The following ABR variants were observed in gnomAD, a reference collection of about 807,000 sequenced individuals.
ABR encodes the protein ABR activator of RhoGEF and GTPase.
ABR carries 35 observed loss-of-function variants against 107.2 expected under a neutral mutation model. That is an observed-to-expected ratio of 0.33 (90% CI 0.25 to 0.43). The LOEUF is 0.43. Among genes scored for constraint, ABR ranks in the 20% least tolerant of loss-of-function variants. ABR has a pLI of 1.00. For synonymous variants in ABR, 498 were observed against 462.0 expected (o/e 1.08, Z -1.00); for missense variants, 815 against 1,115.2 (o/e 0.73, Z 3.83).
At chr17:1,025,477 T>C (rs2586256) in intron 16 of ABR, among the ~76,000 whole-genome samples, 119,554 of 152,060 alleles carry the variant, frequency 0.79, 47,358 homozygotes, top group Middle Eastern at 0.88. Flanking sequence ...GGCTTCCCAC[T>C]GCATTCGGAT....
rs559217737 is a variant in ABR at position 1,130,952 on chromosome 17, T to A, written c.62-5585A>T. Among the ~76,000 whole-genome samples the A allele has an allele frequency of 2.8e-4, 43 of 152,356 alleles. 1 individual carries two copies. Among genetic ancestry groups the A allele is most frequent in the African/African-American group, 9.6e-4 (40 of 41,580 alleles). ...TTCTGGTCTTCAGACTGCGAGAGCATCGATTTCTGCTGTTCTAAGCCATCA... is the reference window on the plus strand; with the variant it reads ...TTCTGGTCTTCAGACTGCGAGAGCAACGATTTCTGCTGTTCTAAGCCATCA... On this transcript the variant is annotated intron_variant, in intron 1 of 22. Coordinates refer to ENST00000302538, the MANE Select transcript of ABR (RefSeq NM_021962.5).
chr17:1,152,951 G>T (rs142002222), intron 1 of ABR, among the ~76,000 whole-genome samples: 2,025 of 152,198 alleles, frequency 0.013, 37 homozygotes, highest in African/African-American at 0.046. Context: ...AATTAGCCAG[G>T]CATGGTGGTG....
At chr17:1,079,859 GCCT>G (rs1374998382) in intron 5 of ABR, among the ~76,000 whole-genome samples, 1 of 140,634 alleles carries the variant, frequency 7.1e-6, no homozygotes, top group African/African-American at 2.6e-5. Flanking sequence ...GCCATGGGCT[GCCT>G]CTGCCACCCC....
At chr17:1,127,912 G>A (rs1480375231) in intron 1 of ABR, among the ~76,000 whole-genome samples, 5 of 152,196 alleles carry the variant, frequency 3.3e-5, no homozygotes, top group African/African-American at 9.7e-5. Context: ...TCCGCGGGGA[G>A]GCAGTTCTTA....
chr17:1,138,056 A>T (rs2040152065), intron 1 of ABR, among the ~76,000 whole-genome samples: 1 of 150,982 alleles, frequency 6.6e-6, no homozygotes, highest in African/African-American at 2.4e-5. Flanking sequence ...GCCCACCACC[A>T]ACACCCGGCT....
In ABR at chr17:1,004,744, C is replaced by T. The variant is rs2069898374; in HGVS notation, c.*1336G>A. 6.5e-6 allele frequency: 2 copies of T among 306,392 alleles called. No homozygotes were observed. Among genetic ancestry groups the T allele is most frequent in the Non-Finnish European group, 1.2e-5 (2 of 167,180 alleles). The allele number at this position is 306,392 out of a possible 1,614,324, so 19.0% of individuals were successfully genotyped here. On this transcript the variant is annotated 3_prime_UTR_variant, in exon 23 of 23. Transcript: ENST00000302538. ...GAACCCAGCCCCTAGAGGCGGCTGTCTGATTCCCCACTCTCCCCACAACTT... is the reference window on the plus strand; with the variant it reads ...GAACCCAGCCCCTAGAGGCGGCTGTTTGATTCCCCACTCTCCCCACAACTT...
chr17:1,028,322 C>T (rs746569686), intron 16 of ABR, among the ~76,000 whole-genome samples: 9 of 151,548 alleles, frequency 5.9e-5, no homozygotes, highest in Non-Finnish European at 1.0e-4. Flanking sequence ...TGGTCTCGAA[C>T]GCCTGACCTC....
chr17:1,217,913 T>C (rs2043044319), intron 1 of ABR, among the ~76,000 whole-genome samples: 3 of 152,220 alleles, frequency 2.0e-5, no homozygotes, highest in African/African-American at 4.8e-5. Flanking sequence ...CAGGCTGGTC[T>C]TGAACTCCTG....
chr17:1,176,118 G>A (rs1017979149), intron 1 of ABR, among the ~76,000 whole-genome samples: 1 of 151,810 alleles, frequency 6.6e-6, no homozygotes, highest in African/African-American at 2.4e-5. Context: ...AGAAGTGTGT[G>A]AGGGGAGGGG....
chr17:1,186,081 C>T (rs1371347499), intron 1 of ABR, among the ~76,000 whole-genome samples: 1 of 152,204 alleles, frequency 6.6e-6, no homozygotes, highest in Non-Finnish European at 1.5e-5. Flanking sequence ...AGGTGATCCG[C>T]CCGCCTCCAC....
At chr17:1,040,173 T>C (rs1055832886) in intron 16 of ABR, among the ~76,000 whole-genome samples, 11 of 152,246 alleles carry the variant, frequency 7.2e-5, no homozygotes, top group African/African-American at 2.2e-4. Context: ...GAAGGGGCTC[T>C]GGGCTCACAA....
chr17:1,172,743 C>T (rs1471378290), intron 1 of ABR, among the ~76,000 whole-genome samples: 1 of 151,556 alleles, frequency 6.6e-6, no homozygotes, highest in African/African-American at 2.4e-5. Context: ...GAGCAAGACT[C>T]CATCTCAAAA....
In ABR at chr17:1,005,992, G is replaced by A. The variant is rs1318387581; in HGVS notation, c.*88C>T. 4.6e-5 allele frequency: 58 copies of A among 1,247,466 alleles called. No homozygotes were observed. Among genetic ancestry groups the A allele is most frequent in the Non-Finnish European group, 6.6e-5 (58 of 872,502 alleles). The allele number at this position is 1,247,466 out of a possible 1,614,324, so 77.3% of individuals were successfully genotyped here. ...CGAGTCTGGAGTGCTGGGTTTGGGA[G>A]TTTTCTATTGCAGTCTTTCAAGTCT... On this transcript the variant is annotated 3_prime_UTR_variant, in exon 23 of 23. Coordinates refer to ENST00000302538, the MANE Select transcript of ABR (RefSeq NM_021962.5).
At chr17:1,204,667 T>C (rs1465443540) in intron 1 of ABR, among the ~76,000 whole-genome samples, 2 of 152,202 alleles carry the variant, frequency 1.3e-5, no homozygotes, top group East Asian at 3.8e-4. Flanking sequence ...TACAGGTTCG[T>C]ACCTAGGAGC....
chr17:1,048,919 T>C (rs927583435), intron 16 of ABR, among the ~76,000 whole-genome samples: 5 of 152,190 alleles, frequency 3.3e-5, no homozygotes, highest in African/African-American at 4.8e-5. Flanking sequence ...CTTCATTTCA[T>C]GGTCACAGAA....
intron 4 of ABR, among the ~76,000 whole-genome samples, chr17:1,085,643 G>C (rs756414810): frequency 6.6e-5 from 10 of 152,126 alleles, no homozygotes; most frequent in Non-Finnish European, 1.5e-4. Flanking sequence ...AGGCTACCAA[G>C]CACCTGAGAT....
intron 2 of ABR, among the ~76,000 whole-genome samples, chr17:1,104,139 C>T (rs953919170): frequency 6.6e-6 from 1 of 152,204 alleles, no homozygotes; most frequent in African/African-American, 2.4e-5. Context: ...CTGTCTCCAG[C>T]ACCGGGAAGC....
At chr17:1,013,209 C>A in intron 16 of ABR, 45 bp from the exon 17 acceptor site, 1 of 1,584,102 alleles carries the variant, frequency 6.3e-7, no homozygotes, top group Non-Finnish European at 8.7e-7. Context: ...GCTCGGAGGC[C>A]AAGCCAGAGA....
intron 10 of ABR, among the ~76,000 whole-genome samples, chr17:1,059,370 G>A (rs570974090): frequency 4.3e-4 from 65 of 152,320 alleles, no homozygotes; most frequent in African/African-American, 1.4e-3. Flanking sequence ...GTGGCCCTGG[G>A]CGGGGTGCTA....
Sources: allele counts gnomAD v4.1 joint callset (sites outside exome capture counted in the v4.1 genomes callset), GRCh38; gene constraint gnomAD v4.1.1; transcripts MANE v1.5; gene names NCBI Gene and HGNC (gene_info 2026-07-23, HGNC 2026-07-21).